The following FGF14 variants were observed in gnomAD, a reference collection of about 807,000 sequenced individuals.
FGF14 encodes fibroblast growth factor homologous factor 4.
A neutral mutation model predicts 25.5 loss-of-function variants in FGF14; 5 were observed. The ratio of observed to expected loss-of-function variants is 0.20; its 90% CI spans 0.10 to 0.41. The LOEUF is 0.41. Among genes scored for constraint, FGF14 ranks in the 10% least tolerant of loss-of-function variants. FGF14 has a pLI of 1.00. For missense variants in FGF14, 222 were observed against 320.1 expected, an observed-to-expected ratio of 0.69 and a Z score of 2.34; for synonymous variants, 138 against 118.3, an observed-to-expected ratio of 1.17 and a Z score of -1.08.
chr13:101,815,821 TGAGG>T (rs1420955167), intron 3 of FGF14, among the ~76,000 whole-genome samples: 2 of 151,962 alleles, frequency 1.3e-5, no homozygotes, highest in Non-Finnish European at 2.9e-5. Flanking sequence ...AAGAATGATA[TGAGG>T]AAGAAACTGA....
chr13:102,292,836 C>T (rs962184928), intron 1 of FGF14: 1 of 152,186 alleles, frequency 6.6e-6, no homozygotes, highest in African/African-American at 2.4e-5. Context: ...AGCCATGGTC[C>T]TCATTTCTTT....
At position 101,717,201 on chromosome 13, in the gene FGF14, TGA is replaced by T. The variant is rs1341456899; in HGVS notation, c.*5628_*5629del. On this transcript the variant is annotated 3_prime_UTR_variant, in exon 5 of 5. Coordinates refer to ENST00000376143, the MANE Select transcript of FGF14 (RefSeq NM_004115.4). ...AAAAATAAGGAAAATATGCATCCACTGAGTTACTTAAAAATTTAATATTGAAA... is the reference window on the plus strand; with the variant it reads ...AAAAATAAGGAAAATATGCATCCACTGTTACTTAAAAATTTAATATTGAAA... 2 of 152,142 alleles carry T rather than the reference TGA, an allele frequency of 1.3e-5. No individual in the cohort carries two copies. Among genetic ancestry groups the T allele is most frequent in the South Asian group, 4.1e-4 (2 of 4,834 alleles). 9.4% of individuals were successfully genotyped at this position (152,142 alleles called of 1,614,324 possible).
chr13:102,124,931 T>C (rs1009681536), intron 1 of FGF14, among the ~76,000 whole-genome samples: 1 of 152,168 alleles, frequency 6.6e-6, no homozygotes, highest in Non-Finnish European at 1.5e-5. Context: ...TTCTTAGAAA[T>C]ACTATTTCAC....
chr13:102,312,208 T>TG (rs1267402790), intron 1 of FGF14, among the ~76,000 whole-genome samples: 1 of 107,146 alleles, frequency 9.3e-6, no homozygotes, highest in East Asian at 2.5e-4. Context: ...AATGAACAAG[T>TG]ACAAGACCTA....
At chr13:102,351,282 A>G (rs957780948) in intron 1 of FGF14, among the ~76,000 whole-genome samples, 3 of 152,282 alleles carry the variant, frequency 2.0e-5, no homozygotes, top group Admixed American at 6.5e-5. Context: ...AACCTAAATC[A>G]TAACAGAAAA....
intron 1 of FGF14, among the ~76,000 whole-genome samples, chr13:102,009,111 A>C (rs117588619): frequency 1.2e-4 from 18 of 152,302 alleles, no homozygotes; most frequent in Non-Finnish European, 2.1e-4. Flanking sequence ...AAAAAGCCGT[A>C]TATTTTACAT....
chr13:102,024,805 G>A (rs918848020), intron 1 of FGF14, among the ~76,000 whole-genome samples: 3 of 151,548 alleles, frequency 2.0e-5, no homozygotes, highest in African/African-American at 7.3e-5. Flanking sequence ...TTTTCATGTG[G>A]CTGTTCAGTT....
Position 101,720,542 on chromosome 13 carries a change from GTGTGTGTGTGTGTGTGTGTGTGTA to G in FGF14, c.*2265_*2288del, listed in dbSNP as rs1321871049. The G allele has an allele frequency of 2.7e-5, 4 of 148,852 alleles. No homozygotes were observed. Among genetic ancestry groups the G allele is most frequent in the Admixed American group, 2.0e-4 (3 of 14,866 alleles). The allele number at this position is 148,852 out of a possible 1,614,324, so 9.2% of individuals were successfully genotyped here. On this transcript the variant is annotated 3_prime_UTR_variant, in exon 5 of 5. Coordinates refer to ENST00000376143, the MANE Select transcript of FGF14 (RefSeq NM_004115.4). ...GGGGGTGTTTGCTCTGTGTGTGTGT[GTGTGTGTGTGTGTGTGTGTGTGTA>G]TATGTGTGTGTTTGTGTGAAGTGAA...
chr13:101,720,550 GTGTGTGTGTGTGTGTA>G lies in FGF14; in HGVS notation c.*2265_*2280del, dbSNP rs1466407106. 6.6e-6 allele frequency: 1 copy of G among 151,476 alleles called. No homozygotes were observed. The highest frequency in any genetic ancestry group is 2.4e-5 in the African/African-American group (1 of 41,170). The allele number at this position is 151,476 out of a possible 1,614,324, so 9.4% of individuals were successfully genotyped here. On this transcript the variant is annotated 3_prime_UTR_variant, in exon 5 of 5. Coordinates refer to ENST00000376143, the MANE Select transcript of FGF14 (RefSeq NM_004115.4). The stretch of plus-strand genomic sequence containing the variant: ...TTGCTCTGTGTGTGTGTGTGTGTGT[GTGTGTGTGTGTGTGTA>G]TATGTGTGTGTTTGTGTGAAGTGAA...
intron 1 of FGF14, among the ~76,000 whole-genome samples, chr13:102,365,606 A>G (rs1033969985): frequency 6.6e-6 from 1 of 152,068 alleles, no homozygotes; most frequent in Non-Finnish European, 1.5e-5. Context: ...TTGTCCACTA[A>G]AATCTGTTAG....
chr13:102,061,739 A>G (rs2042698536), intron 1 of FGF14, among the ~76,000 whole-genome samples: 1 of 152,220 alleles, frequency 6.6e-6, no homozygotes, highest in African/African-American at 2.4e-5. Flanking sequence ...ACAGAAGGCA[A>G]TACTGTCGAG....
intron 1 of FGF14, among the ~76,000 whole-genome samples, chr13:102,361,600 T>C (rs1213594918): frequency 6.6e-6 from 1 of 152,190 alleles, no homozygotes; most frequent in African/African-American, 2.4e-5. Context: ...CTGCACCGTT[T>C]GCCACTCCCT....
chr13:102,353,623 A>T (rs946156214), intron 1 of FGF14, among the ~76,000 whole-genome samples: 1 of 151,824 alleles, frequency 6.6e-6, no homozygotes, highest in Non-Finnish European at 1.5e-5. Flanking sequence ...GTACTCCCAC[A>T]CTCTGCCTTC....
chr13:101,803,936 A>G (rs963792861), intron 3 of FGF14, among the ~76,000 whole-genome samples: 4 of 152,146 alleles, frequency 2.6e-5, no homozygotes, highest in Non-Finnish European at 4.4e-5. Context: ...CTGGAAATAT[A>G]TAGAAGCTAT....
At chr13:102,053,042 C>T (rs1346251089) in intron 1 of FGF14, among the ~76,000 whole-genome samples, 1 of 151,822 alleles carries the variant, frequency 6.6e-6, no homozygotes, top group Non-Finnish European at 1.5e-5. Context: ...AACCACAAAG[C>T]AAAAACCAAT....
At chr13:102,074,180 TA>T (rs1337172467) in intron 1 of FGF14, among the ~76,000 whole-genome samples, 1 of 152,056 alleles carries the variant, frequency 6.6e-6, no homozygotes, top group Non-Finnish European at 1.5e-5. Context: ...CTGGCAATTT[TA>T]AAAAATTTTT....
At chr13:102,296,435 G>C (rs1444301485) in intron 1 of FGF14, among the ~76,000 whole-genome samples, 3 of 152,038 alleles carry the variant, frequency 2.0e-5, no homozygotes, top group African/African-American at 7.2e-5. Context: ...TGCAGAATAG[G>C]GCAATGGACT....
At chr13:102,145,494 T>C (rs1480106838) in intron 1 of FGF14, among the ~76,000 whole-genome samples, 1 of 152,218 alleles carries the variant, frequency 6.6e-6, no homozygotes, top group Admixed American at 6.5e-5. Context: ...CTCCAGGCTT[T>C]TAATTTATAT....
At chr13:101,913,054 T>C (rs750130105) in intron 1 of FGF14, among the ~76,000 whole-genome samples, 16 of 152,358 alleles carry the variant, frequency 1.1e-4, no homozygotes, top group Middle Eastern at 3.4e-3. Flanking sequence ...GGAGAATTAT[T>C]TTTAATTGTA....
Sources: allele counts gnomAD v4.1 joint callset (sites outside exome capture counted in the v4.1 genomes callset), GRCh38; gene constraint gnomAD v4.1.1; transcripts MANE v1.5; gene names NCBI Gene and HGNC (gene_info 2026-07-23, HGNC 2026-07-21).